Variants in SEC62 observed in about 807,000 individuals in gnomAD.
SEC62 encodes the protein translocation protein SEC62.
In SEC62, 10 loss-of-function variants were observed where a neutral mutation model predicts 47.5. The ratio of observed to expected loss-of-function variants is 0.21; its 90% confidence interval spans 0.13 to 0.36. The LOEUF (loss-of-function observed/expected upper bound fraction) is 0.36, where lower values mean the gene tolerates loss of function less well. Ranked by LOEUF, SEC62 falls within the 10% of genes least tolerant of loss-of-function variation. The pLI is 1.00. For missense variants in SEC62, 327 were observed against 464.1 expected, an observed-to-expected ratio of 0.70 and a Z score of 2.71; for synonymous variants, 136 against 150.5, an observed-to-expected ratio of 0.90 and a Z score of 0.71.
At chr3:169,978,334 T>G in intron 3 of SEC62, among the ~76,000 whole-genome samples, 1 of 152,102 alleles carries the variant, frequency 6.6e-6, no homozygotes, top group South Asian at 2.1e-4. Flanking sequence ...TTGTAGCAAC[T>G]TGTCTAGTTA....
chr3:169,984,300 G>A (rs577349268), intron 5 of SEC62, among the ~76,000 whole-genome samples: 14 of 152,240 alleles, frequency 9.2e-5, no homozygotes, highest in Middle Eastern at 3.4e-3. Flanking sequence ...TTTTATAGGC[G>A]TTGGGAATAG....
chr3:169,976,897 C>T (rs547391743), intron 2 of SEC62, 49 bp from the exon 3 acceptor site: 2 of 1,263,846 alleles, frequency 1.6e-6, no homozygotes, highest in East Asian at 2.4e-5. Context: ...TTTAGATAGA[C>T]ATAAATCCCC....
chr3:169,973,585 C>T lies in SEC62; in HGVS notation c.37-2023C>T, dbSNP rs932334567. Among the ~76,000 whole-genome samples the T allele has an allele frequency of 9.4e-4, 142 of 151,372 alleles. 1 individual carries two copies. Among genetic ancestry groups the T allele is most frequent in the African/African-American group, 3.3e-3 (137 of 41,036 alleles). ...GGCTGAGGCATGAGAATCGCTGGAA[C>T]TCAGGAGGTGGGGGTTGCAGTGAGA... On this transcript the variant is annotated intron_variant, in intron 1 of 7. Coordinates refer to ENST00000337002, the MANE Select transcript of SEC62 (RefSeq NM_003262.4).
intron 3 of SEC62, among the ~76,000 whole-genome samples, chr3:169,980,096 C>T (rs973595026): frequency 2.0e-4 from 31 of 152,070 alleles, no homozygotes; most frequent in African/African-American, 7.2e-4. Context: ...ACAATAATAA[C>T]TATGACTTGG....
At chr3:169,987,683 T>G (rs1357506251) in intron 6 of SEC62, among the ~76,000 whole-genome samples, 1 of 152,210 alleles carries the variant, frequency 6.6e-6, no homozygotes, top group Non-Finnish European at 1.5e-5. Context: ...AATTCTTTCT[T>G]GTGTCCCCAC....
At chr3:169,970,667 T>C (rs2108279208) in intron 1 of SEC62, among the ~76,000 whole-genome samples, 1 of 152,316 alleles carries the variant, frequency 6.6e-6, no homozygotes, top group South Asian at 2.1e-4. Context: ...ACCCAGTGTA[T>C]TGGTGTTGGG....
At chr3:169,990,376 T>G (rs1020365442) in intron 7 of SEC62, among the ~76,000 whole-genome samples, 5 of 152,160 alleles carry the variant, frequency 3.3e-5, no homozygotes, top group African/African-American at 9.7e-5. Context: ...ATAAAACCTT[T>G]GGCAGTTTTC....
chr3:169,975,728 T>C lies in SEC62; in HGVS notation c.145+12T>C. On this transcript the variant is annotated intron_variant, in intron 2 of 7. Coordinates refer to ENST00000337002, the MANE Select transcript of SEC62 (RefSeq NM_003262.4). ...TGATTATTTTATTGGTAGGATTATATCAGTAAAATCGTATTAGTGTACATA... is the reference window on the plus strand; with the variant it reads ...TGATTATTTTATTGGTAGGATTATACCAGTAAAATCGTATTAGTGTACATA... 1 of 1,535,338 alleles carries C rather than the reference T, an allele frequency of 6.5e-7. No individual in the cohort carries two copies. The highest frequency in any genetic ancestry group is 9.0e-7 in the Non-Finnish European group (1 of 1,108,546).
Position 169,994,472 on chromosome 3 carries a change from T to A in SEC62, c.*1409T>A, listed in dbSNP as rs1291208147. ...CTAATTGTGAAAAATATGTTTTCTGTATCGACACATTTTATTAAACTTGGC... is the reference window on the plus strand; with the variant it reads ...CTAATTGTGAAAAATATGTTTTCTGAATCGACACATTTTATTAAACTTGGC... On this transcript the variant is annotated 3_prime_UTR_variant, in exon 8 of 8. Coordinates refer to ENST00000337002, the MANE Select transcript of SEC62 (RefSeq NM_003262.4). 6.5e-6 allele frequency: 1 copy of A among 152,680 alleles called. No homozygotes were observed. The highest frequency in any genetic ancestry group is 2.4e-5 in the African/African-American group (1 of 41,478). 9.5% of individuals were successfully genotyped at this position (152,680 alleles called of 1,614,324 possible). A position where few individuals can be genotyped will look rare whatever the true frequency, so the allele number is the denominator to read the frequency against.
At chr3:169,971,240 T>A (rs1714692020) in intron 1 of SEC62, among the ~76,000 whole-genome samples, 1 of 151,844 alleles carries the variant, frequency 6.6e-6, no homozygotes, top group Admixed American at 6.6e-5. Context: ...ACCTAGCTAA[T>A]TTTTTTTAAT....
chr3:169,982,798 G>A lies in SEC62; in HGVS notation c.343G>A (p.Ala115Thr), dbSNP rs1366121023. 8.8e-6 allele frequency: 14 copies of A among 1,596,482 alleles called. No homozygotes were observed. Among genetic ancestry groups the A allele is most frequent in the Non-Finnish European group, 1.2e-5 (14 of 1,170,692 alleles). ...DIKKEKDKGK[A>T]ESGKEEDKKS... Reference sequence around the variant, plus strand: ...AAAGAAAGAAAAAGATAAAGGAAAAGCTGAAAGTGGAAAAGAAGAAGATAA... The same window carrying A: ...AAAGAAAGAAAAAGATAAAGGAAAAACTGAAAGTGGAAAAGAAGAAGATAA... The change falls in exon 4 of 8, where the codon GCT becomes ACT. Residue 115 changes from alanine to threonine, a missense_variant. Ala to Thr is a moderately conservative substitution (Grantham distance 58). Around this residue, in one of 3 missense-constraint regions of SEC62, gnomAD observed 126 missense variants for 161.2 expected, o/e 0.78. Coordinates refer to ENST00000337002, the MANE Select transcript of SEC62 (RefSeq NM_003262.4).
Position 169,992,602 on chromosome 3 carries a change from A to G in SEC62, c.739A>G (p.Ile247Val), listed in dbSNP as rs747499714. Residue 247 changes from isoleucine (I) to valine (V), a missense_variant, in exon 8 of 8, where the codon ATT (isoleucine) becomes GTT (valine). This residue lies in a region of SEC62 where 99 missense variants were observed against 194.0 expected (regional missense o/e 0.51). Transcript: ENST00000337002. This position sits in a 1 kb window ranked among gnomAD's most constrained non-coding sequence, Gnocchi z 4.0. ...AATTTTTCTCCCCACAGCTCGATGC[A>G]TTCTATTTCTCATCATTTGGCTCAT... ...SILLLAVARC[I>V]LFLIIWLITG... is the part of the protein sequence containing the mutation. 6.2e-7 allele frequency: 1 copy of G among 1,611,628 alleles called. No homozygotes were observed. The highest frequency in any genetic ancestry group is 1.1e-5 in the South Asian group (1 of 90,508).
rs1715353971 is a variant in SEC62 at position 169,995,576 on chromosome 3, CAGTT to C, written c.*2516_*2519del. The C allele has an allele frequency of 6.6e-6, 1 of 152,066 alleles. No individual in the cohort carries two copies. The highest frequency in any genetic ancestry group is 1.5e-5 in the Non-Finnish European group (1 of 68,016). 9.4% of individuals were successfully genotyped at this position (152,066 alleles called of 1,614,324 possible). A position where few individuals can be genotyped will look rare whatever the true frequency, so the allele number is the denominator to read the frequency against. The stretch of plus-strand genomic sequence containing the variant: ...CTTTCTGGTTTTACATCATGAGGAT[CAGTT>C]AGCTGCTGACAAGAAAAGTCATCTT... On this transcript the variant is annotated 3_prime_UTR_variant, in exon 8 of 8. Coordinates refer to ENST00000337002, the MANE Select transcript of SEC62 (RefSeq NM_003262.4).
intron 1 of SEC62, among the ~76,000 whole-genome samples, chr3:169,974,475 C>T (rs1311919600): frequency 1.3e-5 from 2 of 151,712 alleles, no homozygotes; most frequent in Non-Finnish European, 2.9e-5. Context: ...CAAAGAAGTT[C>T]AGAATGAAAG....
intron 1 of SEC62, among the ~76,000 whole-genome samples, chr3:169,970,670 G>A (rs1269029921): frequency 6.6e-6 from 1 of 152,156 alleles, no homozygotes; most frequent in African/African-American, 2.4e-5. Context: ...CAGTGTATTG[G>A]TGTTGGGTGC....
Position 169,981,534 on chromosome 3 carries a change from G to A in SEC62, c.252-1173G>A, listed in dbSNP as rs114651113. Among the ~76,000 whole-genome samples the A allele has an allele frequency of 2.1e-3, 323 of 152,304 alleles. 1 individual carries two copies. The highest frequency in any genetic ancestry group is 7.6e-3 in the African/African-American group (314 of 41,568). On this transcript the variant is annotated intron_variant, in intron 3 of 7. Transcript: ENST00000337002. The stretch of plus-strand genomic sequence containing the variant: ...CAGGCACCAGTGGTGGTAGTGAGAC[G>A]TAGCTTCTAGATTGTATTGTGGCAA...
At chr3:169,991,574 A>G (rs1715249445) in intron 7 of SEC62, among the ~76,000 whole-genome samples, 1 of 152,114 alleles carries the variant, frequency 6.6e-6, no homozygotes, top group East Asian at 1.9e-4. Flanking sequence ...TTAGCGGAGC[A>G]TGGTGGCACG....
intron 1 of SEC62, chr3:169,969,349 T>TGG: frequency 2.2e-6 from 1 of 456,682 alleles, no homozygotes; most frequent in Non-Finnish European, 4.4e-6. Flanking sequence ...TCACATTTCC[T>TGG]TCTTGGACTC....
In SEC62 at chr3:169,993,477, C is replaced by A. The variant is rs1715298103; in HGVS notation, c.*414C>A. On this transcript the variant is annotated 3_prime_UTR_variant, in exon 8 of 8. Coordinates refer to ENST00000337002, the MANE Select transcript of SEC62 (RefSeq NM_003262.4). ...TAGTTATGTAGCCATTTCACAGTTT[C>A]TTTAAGATGTGTAAACTCATTGTCC... The A allele has an allele frequency of 6.4e-6, 1 of 156,786 alleles. No homozygotes were observed. The highest frequency in any genetic ancestry group is 1.4e-5 in the Non-Finnish European group (1 of 70,924). 9.7% of individuals were successfully genotyped at this position (156,786 alleles called of 1,614,324 possible).
Sources: allele counts gnomAD v4.1 joint callset (sites outside exome capture counted in the v4.1 genomes callset), GRCh38; gene constraint gnomAD v4.1.1; regional missense constraint gnomAD v4.1.1; non-coding constraint Gnocchi (gnomAD v3.1); transcripts MANE v1.5; gene names NCBI Gene and HGNC (gene_info 2026-07-23, HGNC 2026-07-21).